Variants in THEMIS observed in about 807,000 individuals in gnomAD.
THEMIS encodes the protein thymocyte selection associated.
THEMIS carries 37 observed loss-of-function variants against 52.6 expected under a neutral mutation model. The observed-to-expected ratio is 0.70, with a 90% CI of 0.54 to 0.93. THEMIS has a LOEUF of 0.93. Ranked by LOEUF, THEMIS falls within the 40% of genes least tolerant of loss-of-function variation. The probability of loss-of-function intolerance (pLI) is 0.00; values close to 1 mark genes in which losing one functional copy is unlikely to be tolerated. For missense variants in THEMIS, 808 were observed against 763.1 expected (o/e 1.06, Z -0.69); for synonymous variants, 292 against 272.7 (o/e 1.07, Z -0.70).
chr6:127,796,608 A>G (rs1235579326), intron 4 of THEMIS, among the ~76,000 whole-genome samples: 1 of 152,208 alleles, frequency 6.6e-6, no homozygotes, highest in Non-Finnish European at 1.5e-5. Context: ...AAACTATATG[A>G]AATTGAGAGC....
At chr6:127,811,060 A>C (rs1297699303) in intron 4 of THEMIS, among the ~76,000 whole-genome samples, 2 of 152,098 alleles carry the variant, frequency 1.3e-5, no homozygotes, top group East Asian at 1.9e-4. Context: ...ACAACAACAA[A>C]AAAAACCAAC....
intron 4 of THEMIS, among the ~76,000 whole-genome samples, chr6:127,797,973 G>T (rs1777386058): frequency 6.6e-6 from 1 of 152,182 alleles, no homozygotes; most frequent in South Asian, 2.1e-4. Context: ...CTCATGCTTT[G>T]GGTTCCCAGG....
intron 4 of THEMIS, among the ~76,000 whole-genome samples, chr6:127,725,979 T>C (rs1454521787): frequency 6.6e-6 from 1 of 152,124 alleles, no homozygotes. Flanking sequence ...CTTGCTGGCA[T>C]CACTTACCCT....
chr6:127,826,625 T>C (rs1778516115), intron 3 of THEMIS, among the ~76,000 whole-genome samples: 1 of 152,092 alleles, frequency 6.6e-6, no homozygotes, highest in Non-Finnish European at 1.5e-5. Flanking sequence ...ATTTTAAAAG[T>C]TTTAATGGTC....
intron 4 of THEMIS, among the ~76,000 whole-genome samples, chr6:127,784,426 C>T (rs1440853723): frequency 6.6e-6 from 1 of 152,116 alleles, no homozygotes; most frequent in Admixed American, 6.5e-5. Context: ...TCCAGACTCT[C>T]ATTTAGGCTA....
intron 4 of THEMIS, among the ~76,000 whole-genome samples, chr6:127,785,174 G>A (rs1156417099): frequency 6.8e-6 from 1 of 147,808 alleles, no homozygotes; most frequent in Admixed American, 6.7e-5. Flanking sequence ...CCTACCTATT[G>A]TCTACCTACC....
At chr6:127,728,838 G>A (rs1296350478) in intron 4 of THEMIS, among the ~76,000 whole-genome samples, 12 of 152,064 alleles carry the variant, frequency 7.9e-5, no homozygotes, top group Admixed American at 7.9e-4. Context: ...AGGTAAAGTA[G>A]GGCAAGAAGG....
chr6:127,735,310 C>T (rs1263531768), intron 4 of THEMIS, among the ~76,000 whole-genome samples: 7 of 143,194 alleles, frequency 4.9e-5, no homozygotes, highest in South Asian at 2.3e-4. Flanking sequence ...CAAATAGGGG[C>T]GTGTGTGCGT....
chr6:127,721,068 G>C (rs910684554), intron 4 of THEMIS, among the ~76,000 whole-genome samples: 1 of 151,874 alleles, frequency 6.6e-6, no homozygotes, highest in East Asian at 1.9e-4. Context: ...AATTGTTTTT[G>C]CTCATTCCTT....
chr6:127,710,442 C>T (rs1011594238), intron 5 of THEMIS, among the ~76,000 whole-genome samples: 1 of 151,960 alleles, frequency 6.6e-6, no homozygotes, highest in Admixed American at 6.6e-5. Context: ...TGTTTCCAGA[C>T]TCAACAGGCT....
At chr6:127,789,169 A>C (rs1166506773) in intron 4 of THEMIS, among the ~76,000 whole-genome samples, 1 of 152,126 alleles carries the variant, frequency 6.6e-6, no homozygotes, top group African/African-American at 2.4e-5. Context: ...TCAAATAGAC[A>C]CAATAAAAAA....
intron 4 of THEMIS, among the ~76,000 whole-genome samples, chr6:127,728,205 C>T (rs1490036781): frequency 6.6e-6 from 1 of 152,156 alleles, no homozygotes; most frequent in Non-Finnish European, 1.5e-5. Context: ...ATTTCTCCAT[C>T]CTCACGATCT....
intron 4 of THEMIS, among the ~76,000 whole-genome samples, chr6:127,804,783 A>G (rs977202612): frequency 2.0e-5 from 3 of 152,142 alleles, no homozygotes; most frequent in Non-Finnish European, 4.4e-5. Context: ...GTTTTATCCT[A>G]TTTCACAACT....
chr6:127,877,317 T>C (rs1376563166), intron 1 of THEMIS, among the ~76,000 whole-genome samples: 1 of 152,222 alleles, frequency 6.6e-6, no homozygotes, highest in Non-Finnish European at 1.5e-5. Flanking sequence ...ACATTTAATT[T>C]CCTTCAAGAA....
At chr6:127,759,834 C>G (rs1775956722) in intron 4 of THEMIS, among the ~76,000 whole-genome samples, 1 of 90,564 alleles carries the variant, frequency 1.1e-5, no homozygotes, top group Non-Finnish European at 2.3e-5. Context: ...CTCCTTCCCT[C>G]CCTCCCTCCC....
At chr6:127,812,352 A>C (rs536547536) in intron 4 of THEMIS, among the ~76,000 whole-genome samples, 1 of 152,204 alleles carries the variant, frequency 6.6e-6, no homozygotes, top group African/African-American at 2.4e-5. Context: ...TAAGATAAGC[A>C]GAATGTGGGC....
chr6:127,740,511 C>T (rs1225513099), intron 4 of THEMIS, among the ~76,000 whole-genome samples: 1 of 152,164 alleles, frequency 6.6e-6, no homozygotes, highest in Non-Finnish European at 1.5e-5. Flanking sequence ...CCAACTGGTT[C>T]TCCTGAAAGT....
chr6:127,837,859 C>T (rs1255863081), intron 2 of THEMIS, among the ~76,000 whole-genome samples: 3 of 152,020 alleles, frequency 2.0e-5, no homozygotes, highest in Non-Finnish European at 2.9e-5. Flanking sequence ...TCATGCTTTA[C>T]AATATTTTTC....
At chr6:127,888,223 C>T (rs1269510606) in intron 1 of THEMIS, among the ~76,000 whole-genome samples, 1 of 151,818 alleles carries the variant, frequency 6.6e-6, no homozygotes, top group Non-Finnish European at 1.5e-5. Flanking sequence ...AACATGGAGA[C>T]AATGTGGGGA....
Sources: allele counts gnomAD v4.1 joint callset (sites outside exome capture counted in the v4.1 genomes callset), GRCh38; gene constraint gnomAD v4.1.1; transcripts MANE v1.5; gene names NCBI Gene and HGNC (gene_info 2026-07-23, HGNC 2026-07-21).